Variants in PCDH15 observed in about 807,000 individuals in gnomAD.
PCDH15 encodes the protein protocadherin-15.
In PCDH15, 129 loss-of-function variants were observed where a neutral mutation model predicts 178.5. The observed-to-expected ratio is 0.72, with a 90% CI of 0.63 to 0.84. The LOEUF is 0.84. Ranked by LOEUF, PCDH15 falls within the 40% of genes least tolerant of loss-of-function variation. PCDH15 has a pLI of 0.00. For missense variants in PCDH15, 2,230 were observed against 2,099.9 expected (o/e 1.06, Z -1.21); for synonymous variants, 800 against 732.0 (o/e 1.09, Z -1.50).
At chr10:54,421,829 TATATATATAC>T (rs1281264368) in intron 3 of PCDH15, among the ~76,000 whole-genome samples, 1 of 80,864 alleles carries the variant, frequency 1.2e-5, no homozygotes, top group Non-Finnish European at 2.6e-5. Flanking sequence ...TATATATATA[TATATATATAC>T]ACACACACTA....
At chr10:55,171,685 T>C (rs1275392939) in intron 1 of PCDH15, among the ~76,000 whole-genome samples, 1 of 152,172 alleles carries the variant, frequency 6.6e-6, no homozygotes, top group Non-Finnish European at 1.5e-5. Flanking sequence ...TTTGGTATGA[T>C]TTCTAATATG....
chr10:55,172,396 AAGAT>A (rs1489102342), intron 1 of PCDH15, among the ~76,000 whole-genome samples: 10 of 151,970 alleles, frequency 6.6e-5, no homozygotes, highest in African/African-American at 9.7e-5. Context: ...TTCTGAGTAA[AAGAT>A]AGGGCATAAT....
intron 3 of PCDH15, among the ~76,000 whole-genome samples, chr10:54,481,864 A>G (rs141827614): frequency 6.6e-6 from 1 of 152,008 alleles, no homozygotes; most frequent in Non-Finnish European, 1.5e-5. Context: ...GTACTTCCAC[A>G]GAGTACATAA....
At chr10:54,279,839 C>A (rs12256455) in intron 8 of PCDH15, among the ~76,000 whole-genome samples, 29,131 of 151,486 alleles carry the variant, frequency 0.19, 2,927 homozygotes, top group Admixed American at 0.22. Context: ...CAGGTGACTG[C>A]GCATGGTAGA....
intron 2 of PCDH15, 40 bp from the exon 3 acceptor site, chr10:54,527,917 G>C: frequency 6.6e-7 from 1 of 1,518,118 alleles, no homozygotes; most frequent in Non-Finnish European, 9.1e-7. Flanking sequence ...ATTGACTGCA[G>C]GGGCACACAC....
chr10:55,413,299 G>T (rs574284296), intron 2 of PCDH15, among the ~76,000 whole-genome samples: 1 of 151,258 alleles, frequency 6.6e-6, no homozygotes, highest in Non-Finnish European at 1.5e-5. Flanking sequence ...TAAAAAAAAA[G>T]GGATAAAGAT....
chr10:54,115,009 G>T (rs1159070939), intron 15 of PCDH15, among the ~76,000 whole-genome samples: 2 of 152,132 alleles, frequency 1.3e-5, no homozygotes, highest in Non-Finnish European at 2.9e-5. Flanking sequence ...TCTGTTGCCT[G>T]CAACTGACCA....
rs182866830 is a variant in PCDH15 at position 54,611,128 on chromosome 10, C to T, written c.91+53044G>A. Among the ~76,000 whole-genome samples the T allele has an allele frequency of 1.8e-3, 271 of 151,774 alleles. 1 individual carries two copies. The highest frequency in any genetic ancestry group is 6.4e-3 in the African/African-American group (266 of 41,488). ...AACACAGTTTAGCATTTTTTTCTTA[C>T]AATTGAAAAGATTTTAATAACTGTT... On this transcript the variant is annotated intron_variant, in intron 2 of 37. Coordinates refer to ENST00000644397, the MANE Select transcript of PCDH15 (RefSeq NM_001384140.1).
At chr10:54,953,015 A>G (rs971715966) in intron 2 of PCDH15, among the ~76,000 whole-genome samples, 1 of 151,626 alleles carries the variant, frequency 6.6e-6, no homozygotes, top group African/African-American at 2.4e-5. Context: ...AGTTAAGTGT[A>G]CCAGTAGAAT....
At chr10:55,433,537 A>G (rs1189458883) in intron 2 of PCDH15, among the ~76,000 whole-genome samples, 1 of 152,208 alleles carries the variant, frequency 6.6e-6, no homozygotes, top group East Asian at 1.9e-4. Flanking sequence ...ATTTAGCTAT[A>G]TAACAAACCA....
At chr10:54,039,706 T>C (rs1166509816) in intron 18 of PCDH15, among the ~76,000 whole-genome samples, 1 of 152,012 alleles carries the variant, frequency 6.6e-6, no homozygotes, top group African/African-American at 2.4e-5. Flanking sequence ...TACTTATCTT[T>C]ATCATTCTCC....
At chr10:54,642,804 A>G (rs1202560404) in intron 2 of PCDH15, among the ~76,000 whole-genome samples, 1 of 152,230 alleles carries the variant, frequency 6.6e-6, no homozygotes, top group Non-Finnish European at 1.5e-5. Context: ...ATAAATGCCC[A>G]AAATATAATT....
intron 1 of PCDH15, among the ~76,000 whole-genome samples, chr10:55,184,493 A>C (rs1839741916): frequency 6.6e-6 from 1 of 151,966 alleles, no homozygotes; most frequent in African/African-American, 2.4e-5. Context: ...TTAAGAAATA[A>C]ATTTCCATTT....
At chr10:54,653,922 T>A (rs908938428) in intron 2 of PCDH15, among the ~76,000 whole-genome samples, 24 of 152,262 alleles carry the variant, frequency 1.6e-4, no homozygotes, top group African/African-American at 5.5e-4. Context: ...TGATATACAT[T>A]TACTTTGTGA....
intron 2 of PCDH15, among the ~76,000 whole-genome samples, chr10:55,410,961 C>A (rs952490453): frequency 1.3e-5 from 2 of 151,456 alleles, no homozygotes; most frequent in Admixed American, 1.3e-4. Context: ...TGTGCCTTTA[C>A]TGAAAAAAAA....
chr10:54,871,635 AATAG>A (rs1242634642), intron 3 of PCDH15, among the ~76,000 whole-genome samples: 1 of 152,152 alleles, frequency 6.6e-6, no homozygotes, highest in Non-Finnish European at 1.5e-5. Flanking sequence ...GTTTATTTTT[AATAG>A]ATTGATTATT....
chr10:55,394,442 C>G (rs1254060384), intron 2 of PCDH15, among the ~76,000 whole-genome samples: 1 of 151,580 alleles, frequency 6.6e-6, no homozygotes, highest in Non-Finnish European at 1.5e-5. Context: ...GCAATAAGAA[C>G]AAAACAAAAG....
chr10:54,267,833 A>T (rs1205215223), intron 8 of PCDH15, among the ~76,000 whole-genome samples: 3 of 151,924 alleles, frequency 2.0e-5, no homozygotes, highest in Non-Finnish European at 4.4e-5. Flanking sequence ...ATTCAACATC[A>T]TTAAAATGTC....
chr10:54,010,830 G>C (rs114192601), intron 20 of PCDH15, among the ~76,000 whole-genome samples: 3,258 of 152,250 alleles, frequency 0.021, 100 homozygotes, highest in African/African-American at 0.074. Context: ...AAGCTCGGGA[G>C]CACGGAACAG....
Sources: gnomAD v4.1 joint callset for allele counts (sites outside exome capture counted in the v4.1 genomes callset) on GRCh38, gnomAD v4.1.1 for gene constraint, MANE v1.5 for transcripts, NCBI Gene and HGNC (gene_info 2026-07-23, HGNC 2026-07-21) for gene names.